FGF18: variants seen among roughly 807,000 people sequenced by gnomAD.
The protein encoded by FGF18 is fibroblast growth factor 18.
Under a neutral mutation model 23.0 loss-of-function variants are expected in FGF18, and 5 were observed. The observed-to-expected ratio is 0.22, with a 90% confidence interval of 0.11 to 0.46. The LOEUF (loss-of-function observed/expected upper bound fraction) is 0.46. Among genes scored for constraint, FGF18 ranks in the 20% least tolerant of loss-of-function variants. The probability of loss-of-function intolerance (pLI) is 0.99; values close to 1 mark genes in which losing one functional copy is unlikely to be tolerated. For missense variants in FGF18, 180 were observed against 291.6 expected, an observed-to-expected ratio of 0.62 and a Z score of 2.79; for synonymous variants, 117 against 118.9, an observed-to-expected ratio of 0.98 and a Z score of 0.10.
At chr5:171,422,740 G>A (rs1489584272) in intron 2 of FGF18, among the ~76,000 whole-genome samples, 4 of 152,168 alleles carry the variant, frequency 2.6e-5, no homozygotes, top group African/African-American at 4.8e-5. Flanking sequence ...GCACTTAGCG[G>A]GTAGCAGTTC....
chr5:171,454,100 G>A (rs911995191), intron 4 of FGF18, among the ~76,000 whole-genome samples: 6 of 152,248 alleles, frequency 3.9e-5, no homozygotes, highest in African/African-American at 1.2e-4. Context: ...GAGGAGAAAT[G>A]GGGTTCAGAA....
At position 171,423,773 on chromosome 5, in the gene FGF18, C is replaced by CT. The variant is rs61255857; in HGVS notation, c.69+3354dup. Reference sequence around the variant, plus strand: ...TGGGATGCTCTGTTAGTGGATGGCACTTTTTTTTTTTTTTTTTTTTTTTTG... The same window carrying CT: ...TGGGATGCTCTGTTAGTGGATGGCACTTTTTTTTTTTTTTTTTTTTTTTTTG... On this transcript the variant is annotated intron_variant, in intron 2 of 4. Coordinates refer to ENST00000274625, the MANE Select transcript of FGF18 (RefSeq NM_003862.3). Among the ~76,000 whole-genome samples the CT allele has an allele frequency of 9.7e-3, 995 of 103,076 alleles. 19 individuals carry two copies. Among genetic ancestry groups the CT allele is most frequent in the African/African-American group, 0.017 (437 of 25,370 alleles). 67.6% of individuals were successfully genotyped at this position (103,076 alleles called of 152,430 possible). A position where few individuals can be genotyped will look rare whatever the true frequency, so the allele number is the denominator to read the frequency against.
At chr5:171,453,405 C>T (rs1407722544) in intron 4 of FGF18, among the ~76,000 whole-genome samples, 1 of 152,248 alleles carries the variant, frequency 6.6e-6, no homozygotes, top group African/African-American at 2.4e-5. Flanking sequence ...GTGACTGGCA[C>T]TGGGTAGCTC....
chr5:171,420,210 C>A lies in FGF18; in HGVS notation c.11C>A (p.Ala4Glu). 5 of 1,555,278 alleles carry A rather than the reference C, an allele frequency of 3.2e-6. No homozygotes were observed. The highest frequency in any genetic ancestry group is 1.4e-5 in the African/African-American group (1 of 73,522). The change falls in exon 1 of 5, where the codon GCG becomes GAG. Residue 4 changes from alanine to glutamate, a missense_variant. Physicochemically the swap from Ala to Glu is moderately radical, Grantham distance 107. Around this residue, in one of 3 missense-constraint regions of FGF18, gnomAD observed 57 missense variants for 59.8 expected, o/e 0.95. Transcript: ENST00000274625. MYS[A>E]PSACTCLCLH... ...CCCTCCCGCCCAGCGATGTATTCAGCGCCCTCCGCCTGCACTTGCCTGTAA... is the reference window on the plus strand; with the variant it reads ...CCCTCCCGCCCAGCGATGTATTCAGAGCCCTCCGCCTGCACTTGCCTGTAA...
chr5:171,437,764 C>G (rs1772273598), intron 3 of FGF18, among the ~76,000 whole-genome samples: 2 of 152,208 alleles, frequency 1.3e-5, no homozygotes, highest in South Asian at 4.1e-4. Context: ...GAAGGGGCAG[C>G]TGGCTGGCCG....
intron 3 of FGF18, among the ~76,000 whole-genome samples, chr5:171,445,377 G>GTTGT (rs1772403542): frequency 6.6e-6 from 1 of 152,166 alleles, no homozygotes; most frequent in Non-Finnish European, 1.5e-5. Context: ...TGTATGTTTT[G>GTTGT]AGATGGAGTC....
intron 4 of FGF18, among the ~76,000 whole-genome samples, chr5:171,452,384 C>T (rs903787457): frequency 6.6e-6 from 1 of 152,182 alleles, no homozygotes; most frequent in Non-Finnish European, 1.5e-5. Flanking sequence ...CCCTGCACAT[C>T]TCTGGCCACA....
intron 2 of FGF18, among the ~76,000 whole-genome samples, chr5:171,433,818 A>G (rs1204101301): frequency 6.6e-6 from 1 of 152,226 alleles, no homozygotes; most frequent in Non-Finnish European, 1.5e-5. Context: ...AAGCAATAGC[A>G]TCTTCCCAGA....
intron 2 of FGF18, among the ~76,000 whole-genome samples, chr5:171,423,743 G>C (rs893259660): frequency 1.8e-4 from 27 of 150,736 alleles, no homozygotes; most frequent in African/African-American, 6.6e-4. Flanking sequence ...GGTGCAAAAA[G>C]AGGATGGGAT....
chr5:171,431,048 T>C (rs1581271926), intron 2 of FGF18, among the ~76,000 whole-genome samples: 2 of 151,696 alleles, frequency 1.3e-5, no homozygotes, highest in South Asian at 4.2e-4. Context: ...TTGTGGAAGG[T>C]GGAAATGGGG....
chr5:171,446,025 CCTCT>C (rs1772414236), intron 3 of FGF18, among the ~76,000 whole-genome samples: 1 of 152,098 alleles, frequency 6.6e-6, no homozygotes, highest in Non-Finnish European at 1.5e-5. Context: ...TTTCTCTCTC[CCTCT>C]CTCTCTTTCT....
intron 3 of FGF18, among the ~76,000 whole-genome samples, chr5:171,445,305 T>A (rs1276080836): frequency 6.6e-6 from 1 of 151,998 alleles, no homozygotes; most frequent in African/African-American, 2.4e-5. Context: ...TCTATGTGGG[T>A]TGGGGATCCC....
At chr5:171,448,086 T>C (rs1395084957) in intron 3 of FGF18, among the ~76,000 whole-genome samples, 1 of 152,096 alleles carries the variant, frequency 6.6e-6, no homozygotes, top group Non-Finnish European at 1.5e-5. Flanking sequence ...GAGGAAAAGA[T>C]TTGGACACAG....
At chr5:171,420,548 C>T in intron 2 of FGF18, 105 bp downstream of exon 2, 3 of 1,169,234 alleles carry the variant, frequency 2.6e-6, no homozygotes, top group Non-Finnish European at 3.8e-6. Context: ...CCCTCCTGGG[C>T]GCTGAGCCCA....
Position 171,420,399 on chromosome 5 carries a change from T to G in FGF18, c.33-8T>G. 1 of 1,613,638 alleles carries G rather than the reference T, an allele frequency of 6.2e-7. No individual in the cohort carries two copies. The highest frequency in any genetic ancestry group is 8.5e-7 in the Non-Finnish European group (1 of 1,179,814). ...CCCACTGACCGCTTCTCCATCTGTT[T>G]CCCGCAGGTGTTTACACTTCCTGCT... is the stretch of plus-strand genomic sequence containing the variant. On this transcript the variant is annotated splice_region_variant and splice_polypyrimidine_tract_variant and intron_variant, in intron 1 of 4. Transcript: ENST00000274625.
At chr5:171,452,838 G>A (rs190115332) in intron 4 of FGF18, among the ~76,000 whole-genome samples, 74 of 152,172 alleles carry the variant, frequency 4.9e-4, no homozygotes, top group African/African-American at 1.7e-3. Flanking sequence ...AATGCCTTAA[G>A]CAAAAAGGGA....
intron 3 of FGF18, among the ~76,000 whole-genome samples, chr5:171,439,327 C>G (rs1433826345): frequency 1.3e-5 from 2 of 152,214 alleles, no homozygotes; most frequent in African/African-American, 4.8e-5. Flanking sequence ...TGAGAGTGGG[C>G]CGCTCCAGGA....
chr5:171,453,781 A>C (rs1772547264), intron 4 of FGF18, among the ~76,000 whole-genome samples: 1 of 152,166 alleles, frequency 6.6e-6, no homozygotes, highest in Non-Finnish European at 1.5e-5. Context: ...TCTAGGGCTC[A>C]GCTTGCTTTG....
rs190209065 is a variant in FGF18, at chr5:171,429,173, G to A, written c.70-6920G>A. Among the ~76,000 whole-genome samples, 43 of 152,304 alleles carry A rather than the reference G, an allele frequency of 2.8e-4. No homozygotes were observed. In the East Asian group the frequency reaches 7.3e-3, roughly 26 times the overall value. On this transcript the variant is annotated intron_variant, in intron 2 of 4. Coordinates refer to ENST00000274625, the MANE Select transcript of FGF18 (RefSeq NM_003862.3). ...CCACACTCAGATTCAGGGTGGGCCC[G>A]GCCTTCCTCCTCCCCTTTCCATCCA...
Sources: gnomAD v4.1 joint callset for allele counts (sites outside exome capture counted in the v4.1 genomes callset) on GRCh38, gnomAD v4.1.1 for gene constraint, gnomAD v4.1.1 regional missense constraint, MANE v1.5 for transcripts, NCBI Gene and HGNC (gene_info 2026-07-23, HGNC 2026-07-21) for gene names.